Variants in MCF2L observed in about 807,000 individuals in gnomAD.
MCF2L encodes the protein MCF.2 cell line derived transforming sequence like.
MCF2L carries 97 observed loss-of-function variants against 153.4 expected under a neutral mutation model. The observed-to-expected ratio is 0.63, with a 90% CI of 0.54 to 0.75. MCF2L has a LOEUF of 0.75. Ranked by LOEUF, MCF2L falls within the 30% of genes least tolerant of loss-of-function variation. MCF2L has a pLI of 0.00. For synonymous variants in MCF2L, 659 were observed against 632.2 expected (o/e 1.04, Z -0.64); for missense variants, 1,347 against 1,495.2 (o/e 0.90, Z 1.64).
upstream of MCF2L, chr13:112,968,539 G>A (rs779447157): frequency 6.4e-7 from 1 of 1,556,408 alleles, no homozygotes; most frequent in Non-Finnish European, 8.6e-7. Context: ...GGCAGGCGAT[G>A]CCCCTGCGGG....
At chr13:112,966,541 A>G (rs1183268585), upstream of MCF2L, among the ~76,000 whole-genome samples, 1 of 152,212 alleles carries the variant, frequency 6.6e-6, no homozygotes, top group African/African-American at 2.4e-5. The surrounding 1 kb of genome is among the most constrained non-coding windows in gnomAD (Gnocchi z 4.1). Flanking sequence ...TTGACCCAAT[A>G]TCTGGGCACG....
chr13:113,084,767 A>C lies in MCF2L; in HGVS notation c.2062-125A>C, dbSNP rs1377086165. On this transcript the variant is annotated intron_variant, in intron 18 of 29. Coordinates refer to ENST00000535094, the MANE Select transcript of MCF2L (RefSeq NM_001112732.3). ...TATGGGGCCAGCAGCAATGCCTCGC[A>C]GGGCCGGGAAGACGCTGCGTGATGC... 3 of 752,452 alleles carry C rather than the reference A, an allele frequency of 4.0e-6. No homozygotes were observed. In the African/African-American group the frequency reaches 5.2e-5, roughly 13 times the overall value. The allele number at this position is 752,452 out of a possible 1,614,324, so 46.6% of individuals were successfully genotyped here.
At chr13:112,944,867 C>T (rs569580073) in intron 2 of MCF2L, among the ~76,000 whole-genome samples, 1 of 152,302 alleles carries the variant, frequency 6.6e-6, no homozygotes, top group South Asian at 2.1e-4. Flanking sequence ...AAGCTCTGTG[C>T]AGAAGGGAGC....
intron 4 of MCF2L, among the ~76,000 whole-genome samples, chr13:113,049,218 A>G (rs1330489806): frequency 1.3e-5 from 2 of 152,152 alleles, no homozygotes; most frequent in Admixed American, 6.5e-5. Flanking sequence ...GCACTGTCAT[A>G]GGAGCTGGTT....
chr13:112,968,722 GAGGCGGCGGCC>G, upstream of MCF2L: 1 of 1,393,052 alleles, frequency 7.2e-7, no homozygotes, highest in Admixed American at 3.3e-5. Flanking sequence ...GAGGTAAAGG[GAGGCGGCGGCC>G]AGGCGCGGCC....
Position 113,045,056 on chromosome 13 carries a change from C to T in MCF2L, c.279-215C>T, listed in dbSNP as rs1285553677. 2.9e-6 allele frequency: 3 copies of T among 1,052,152 alleles called. No individual in the cohort carries two copies. In the African/African-American group the frequency reaches 4.8e-5, roughly 17 times the overall value. The allele number at this position is 1,052,152 out of a possible 1,614,324, so 65.2% of individuals were successfully genotyped here. On this transcript the variant is annotated intron_variant, in intron 3 of 29. Transcript: ENST00000535094. This position sits in a 1 kb window ranked among gnomAD's most constrained non-coding sequence, Gnocchi z 4.2. ...TGTTAGGCTGAGAAATAAGAACACACCAAAAGTGCCTGCCCTTCCGTAGAT... is the reference window on the plus strand; with the variant it reads ...TGTTAGGCTGAGAAATAAGAACACATCAAAAGTGCCTGCCCTTCCGTAGAT...
intron 3 of MCF2L, among the ~76,000 whole-genome samples, chr13:113,033,346 A>AGTGGCCCCCGTGGC (rs2085898415): frequency 9.2e-6 from 1 of 108,462 alleles, no homozygotes; most frequent in Non-Finnish European, 1.8e-5. Context: ...CCGTGACATT[A>AGTGGCCCCCGTGGC]GTGGACCCCG....
At chr13:112,909,172 A>C in intron 2 of MCF2L, 1 of 775,740 alleles carries the variant, frequency 1.3e-6, no homozygotes, top group Non-Finnish European at 2.4e-6. Context: ...CAGGACTGGC[A>C]AAAACACTGC....
chr13:112,979,427 C>T, intron 1 of MCF2L: 1 of 1,398,702 alleles, frequency 7.1e-7, no homozygotes, highest in Admixed American at 3.1e-5. Flanking sequence ...CTCTGGGAGG[C>T]CGGGCACTCT....
At chr13:112,982,102 A>G (rs972488886) in intron 1 of MCF2L, among the ~76,000 whole-genome samples, 1 of 152,142 alleles carries the variant, frequency 6.6e-6, no homozygotes, top group Non-Finnish European at 1.5e-5. Flanking sequence ...GGGCCCCAGC[A>G]GAGAGCATGG....
intron 3 of MCF2L, among the ~76,000 whole-genome samples, chr13:113,039,609 C>T (rs1447931753): frequency 6.6e-6 from 1 of 150,926 alleles, no homozygotes; most frequent in Non-Finnish European, 1.5e-5. Flanking sequence ...CAGAGAACTA[C>T]ACACCAACAA....
At position 113,087,692 on chromosome 13, in the gene MCF2L, A is replaced by G. The variant is rs1566875408; in HGVS notation, c.2596-15A>G. The G allele has an allele frequency of 6.2e-7, 1 of 1,607,876 alleles. No homozygotes were observed. Among genetic ancestry groups the G allele is most frequent in the South Asian group, 1.1e-5 (1 of 90,964 alleles). ...CACTGTGCACGCGAACCCCATCTCC[A>G]CTCTCTGCTCGCAGATGGCTGCCGT... On this transcript the variant is annotated splice_polypyrimidine_tract_variant and intron_variant, in intron 22 of 29. Coordinates refer to ENST00000535094, the MANE Select transcript of MCF2L (RefSeq NM_001112732.3).
At chr13:112,975,202 C>G (rs1012833563) in intron 1 of MCF2L, among the ~76,000 whole-genome samples, 3 of 152,154 alleles carry the variant, frequency 2.0e-5, no homozygotes, top group Admixed American at 6.5e-5. Flanking sequence ...GATACACACA[C>G]AAAAATGGAG....
At chr13:112,994,282 G>A (rs982411188) in intron 1 of MCF2L, among the ~76,000 whole-genome samples, 25 of 149,622 alleles carry the variant, frequency 1.7e-4, no homozygotes, top group African/African-American at 4.9e-4. Context: ...GGCTGTCGGC[G>A]TGACGGGGCG....
chr13:112,927,418 T>C (rs1023814521), intron 2 of MCF2L, among the ~76,000 whole-genome samples: 1 of 152,236 alleles, frequency 6.6e-6, no homozygotes, highest in Non-Finnish European at 1.5e-5. Flanking sequence ...AGAGCCCAGT[T>C]GTGGTCTCCT....
At chr13:112,925,108 G>C (rs2081389493) in intron 2 of MCF2L, among the ~76,000 whole-genome samples, 1 of 152,184 alleles carries the variant, frequency 6.6e-6, no homozygotes, top group Non-Finnish European at 1.5e-5. Flanking sequence ...AATGTAAAAA[G>C]TAATCCAATA....
chr13:113,055,701 A>G (rs896913298), intron 4 of MCF2L, among the ~76,000 whole-genome samples: 2 of 152,128 alleles, frequency 1.3e-5, no homozygotes, highest in African/African-American at 4.8e-5. Context: ...CGCCTCGTCC[A>G]CCAGGATCAC....
chr13:112,902,308 A>G, exon 2 of MCF2L: 1 of 1,612,928 alleles, frequency 6.2e-7, no homozygotes. Context: ...GGATCACCAA[A>G]TTGATGTGTC....
intron 26 of MCF2L, among the ~76,000 whole-genome samples, chr13:113,093,113 A>G (rs1022839473): frequency 2.0e-5 from 3 of 152,170 alleles, no homozygotes; most frequent in African/African-American, 7.2e-5. Flanking sequence ...GGGGGCCTGG[A>G]CGGGGAGGGC....
Sources: allele counts gnomAD v4.1 joint callset (sites outside exome capture counted in the v4.1 genomes callset), GRCh38; gene constraint gnomAD v4.1.1; non-coding constraint Gnocchi (gnomAD v3.1); transcripts MANE v1.5; gene names NCBI Gene and HGNC (gene_info 2026-07-23, HGNC 2026-07-21).